Variants in CHL1 observed in about 807,000 individuals in gnomAD.
CHL1 encodes the protein cell adhesion molecule L1 like, also known as neural cell adhesion molecule L1-like protein.
Under a neutral mutation model 141.9 loss-of-function variants are expected in CHL1, and 96 were observed. The ratio of observed to expected loss-of-function variants is 0.68; its 90% CI spans 0.57 to 0.80. CHL1 has a LOEUF of 0.80. Among genes scored for constraint, CHL1 ranks in the 30% least tolerant of loss-of-function variants. The pLI is 0.00. For synonymous variants in CHL1, 613 were observed against 502.2 expected (o/e 1.22, Z -2.95); for missense variants, 1,820 against 1,457.2 (o/e 1.25, Z -4.05).
intron 1 of CHL1, among the ~76,000 whole-genome samples, chr3:202,421 A>T (rs933819147): frequency 7.2e-5 from 11 of 152,226 alleles, no homozygotes; most frequent in African/African-American, 2.4e-5. Flanking sequence ...CACATATACC[A>T]ATAATGATTG....
At chr3:302,863 T>G (rs1698879356) in intron 2 of CHL1, among the ~76,000 whole-genome samples, 1 of 152,216 alleles carries the variant, frequency 6.6e-6, no homozygotes, top group South Asian at 2.1e-4. Context: ...CTTCTAGAGT[T>G]TTTATGGTCT....
intron 2 of CHL1, among the ~76,000 whole-genome samples, chr3:250,152 A>T (rs909860816): frequency 6.6e-6 from 1 of 151,906 alleles, no homozygotes; most frequent in African/African-American, 2.4e-5. Context: ...ATTCATAGAG[A>T]TGGGGTCACA....
intron 2 of CHL1, among the ~76,000 whole-genome samples, chr3:291,921 T>G (rs981259772): frequency 6.6e-6 from 1 of 152,322 alleles, no homozygotes; most frequent in African/African-American, 2.4e-5. Context: ...CTTATAAATA[T>G]AACCTTTGTG....
rs559129769 is a variant in CHL1, at chr3:405,513, T to G, written c.3477T>G (p.Pro1159=). The G allele has an allele frequency of 6.2e-7, 1 of 1,612,386 alleles. No individual in the cohort carries two copies. The highest frequency in any genetic ancestry group is 1.1e-5 in the South Asian group (1 of 90,974). The part of the protein sequence containing the change: ...FGEYSDSDEK[P]LKGSLRSLNR... Reference sequence around the variant, plus strand: ...TTTCTAGTGACAGTGATGAAAAGCCTCTCAAAGGAAGCCTTCGGTCCCTTA... The same window carrying G: ...TTTCTAGTGACAGTGATGAAAAGCCGCTCAAAGGAAGCCTTCGGTCCCTTA... Residue 1159 remains proline (P), a synonymous_variant, in exon 28 of 28, where the codon CCT becomes CCG. Coordinates refer to ENST00000256509, the MANE Select transcript of CHL1 (RefSeq NM_006614.4).
intron 3 of CHL1, among the ~76,000 whole-genome samples, chr3:323,218 C>T (rs1467391558): frequency 1.3e-5 from 2 of 151,932 alleles, no homozygotes; most frequent in Middle Eastern, 3.4e-3. Context: ...AACAACTGAC[C>T]ATATATAAGG....
chr3:288,090 C>A (rs539528248), intron 2 of CHL1, among the ~76,000 whole-genome samples: 56 of 152,134 alleles, frequency 3.7e-4, no homozygotes, highest in South Asian at 1.7e-3. Context: ...CTTTAGCTAG[C>A]CTTATTTTAC....
intron 2 of CHL1, among the ~76,000 whole-genome samples, chr3:251,360 A>C (rs1204692537): frequency 6.6e-6 from 1 of 152,170 alleles, no homozygotes; most frequent in Non-Finnish European, 1.5e-5. Flanking sequence ...GCTTTAACTC[A>C]GCAACTTTTC....
chr3:278,767 A>G (rs1231451366), intron 2 of CHL1, among the ~76,000 whole-genome samples: 1 of 152,208 alleles, frequency 6.6e-6, no homozygotes, highest in African/African-American at 2.4e-5. Flanking sequence ...TATTCAGTAA[A>G]GGTGGTATTT....
chr3:320,844 A>G (rs1700507232), intron 3 of CHL1, among the ~76,000 whole-genome samples: 1 of 152,084 alleles, frequency 6.6e-6, no homozygotes, highest in Non-Finnish European at 1.5e-5. Flanking sequence ...AGACATTTTT[A>G]TCCGTATCAT....
chr3:319,830 G>T lies in CHL1; in HGVS notation c.54G>T (p.Leu18=), dbSNP rs1700421570. 6.2e-7 allele frequency: 1 copy of T among 1,607,596 alleles called. No individual in the cohort carries two copies. The highest frequency in any genetic ancestry group is 1.1e-5 in the South Asian group (1 of 90,708). Residue 18 remains leucine, a synonymous_variant, in exon 3 of 28, where the codon CTG becomes CTT. Transcript: ENST00000256509. ...RGLIVYLMFL[L]LKFSKAIEIP... ...TAATCGTATATCTAATGTTCCTCCT[G>T]TTAAAATTCTCAAAAGCAATTGAAA...
At chr3:289,991 G>A (rs1037224550) in intron 2 of CHL1, among the ~76,000 whole-genome samples, 1 of 134,662 alleles carries the variant, frequency 7.4e-6, no homozygotes, top group African/African-American at 2.9e-5. Flanking sequence ...GTGGAGTGCA[G>A]TATACTCACA....
chr3:380,341 G>A (rs1706881341), intron 16 of CHL1, among the ~76,000 whole-genome samples: 1 of 152,294 alleles, frequency 6.6e-6, no homozygotes, highest in East Asian at 1.9e-4. Context: ...TTCAGGAGGA[G>A]CAATGGACGG....
At chr3:242,365 G>C (rs575705886) in intron 1 of CHL1, among the ~76,000 whole-genome samples, 3,316 of 145,782 alleles carry the variant, frequency 0.023, 150 homozygotes, top group African/African-American at 0.08. Context: ...GGGAGGCTGA[G>C]GGGGGCAGAT....
intron 5 of CHL1, among the ~76,000 whole-genome samples, chr3:337,780 C>T (rs916042210): frequency 6.6e-6 from 1 of 152,078 alleles, no homozygotes; most frequent in East Asian, 1.9e-4. Context: ...GGTTCCAGGA[C>T]ATTTGGGTTG....
chr3:361,531 G>T (rs556944134), intron 12 of CHL1, among the ~76,000 whole-genome samples, 168 bp from the exon 13 acceptor site: 131 of 152,230 alleles, frequency 8.6e-4, no homozygotes, highest in Non-Finnish European at 1.7e-3. Flanking sequence ...ACAAGAAATT[G>T]TACTTTCAAA....
intron 1 of CHL1, among the ~76,000 whole-genome samples, chr3:211,938 G>A (rs1052356574): frequency 4.6e-5 from 7 of 152,176 alleles, no homozygotes; most frequent in Non-Finnish European, 1.0e-4. Flanking sequence ...ACAAACGTGT[G>A]GGAGTGGAAC....
At position 280,983 on chromosome 3, in the gene CHL1, A is replaced by G. The variant is rs189443590; in HGVS notation, c.-95+36291A>G. On this transcript the variant is annotated intron_variant, in intron 2 of 27. Coordinates refer to ENST00000256509, the MANE Select transcript of CHL1 (RefSeq NM_006614.4). ...CAGGATTTCTAATTAATGATATCAC[A>G]TTTTCTAACCCAGTAATTCCCAACT... is the stretch of plus-strand genomic sequence containing the variant. Among the ~76,000 whole-genome samples, 156 of 152,110 alleles carry G rather than the reference A, an allele frequency of 1.0e-3. 4 individuals are homozygous for G. In the South Asian group the frequency reaches 0.02, roughly 20 times the overall value.
At chr3:332,378 G>C (rs933468244) in intron 5 of CHL1, among the ~76,000 whole-genome samples, 1 of 152,026 alleles carries the variant, frequency 6.6e-6, no homozygotes, top group East Asian at 1.9e-4. Flanking sequence ...AATATTCATG[G>C]CAGTAATTAC....
chr3:242,463 G>GCA (rs1559325356), intron 1 of CHL1, among the ~76,000 whole-genome samples: 3 of 147,704 alleles, frequency 2.0e-5, no homozygotes, highest in Middle Eastern at 3.5e-3. Context: ...CGGCGTGGTG[G>GCA]TGGGCGCCTG....
Sources: allele counts gnomAD v4.1 joint callset (sites outside exome capture counted in the v4.1 genomes callset), GRCh38; gene constraint gnomAD v4.1.1; transcripts MANE v1.5; gene names NCBI Gene and HGNC (gene_info 2026-07-23, HGNC 2026-07-21).